The following RAVER1 variants were observed in gnomAD, a reference collection of about 807,000 sequenced individuals.
The protein encoded by RAVER1 is ribonucleoprotein, PTB binding 1.
In RAVER1, 36 loss-of-function variants were observed where a neutral mutation model predicts 68.4. That is an observed-to-expected ratio of 0.53 (90% CI 0.40 to 0.70). The LOEUF (loss-of-function observed/expected upper bound fraction) is 0.70. RAVER1 is among the 30% of genes least tolerant of loss of function. RAVER1 has a pLI of 0.00. For synonymous variants in RAVER1, 469 were observed against 472.7 expected (o/e 0.99, Z 0.10); for missense variants, 933 against 1,019.8 (o/e 0.91, Z 1.16).
intron 3 of RAVER1, among the ~76,000 whole-genome samples, chr19:10,326,762 T>TG (rs1358239557): frequency 8.1e-5 from 12 of 147,850 alleles, no homozygotes; most frequent in African/African-American, 7.5e-5. Flanking sequence ...CCTGTTTTTT[T>TG]TTTTTTTTTT....
Position 10,323,085 on chromosome 19 carries a change from C to G in RAVER1, c.1078+60G>C. On this transcript the variant is annotated intron_variant, in intron 5 of 12. Coordinates refer to ENST00000617231, the MANE Select transcript of RAVER1 (RefSeq NM_133452.3). The surrounding 1 kb of genome is among the most constrained non-coding windows in gnomAD (Gnocchi z 6.2). The stretch of plus-strand genomic sequence containing the variant: ...CAAGATGAGCAGTTTCGGGAAGTGC[C>G]GGGGGCAGCGCTGCAGCCCCTGTTC... 1.4e-6 allele frequency: 2 copies of G among 1,401,334 alleles called. No individual in the cohort carries two copies. Among genetic ancestry groups the G allele is most frequent in the Non-Finnish European group, 1.9e-6 (2 of 1,044,698 alleles). The allele number at this position is 1,401,334 out of a possible 1,614,324, so 86.8% of individuals were successfully genotyped here.
At position 10,329,475 on chromosome 19, in the gene RAVER1, G is replaced by A. The variant is rs993986684; in HGVS notation, c.287-364C>T. ...CCCCAAGCCCCAGGTGGCTTTGGGG[G>A]TATCAGTTTCCTCATCTCTCAAATG... On this transcript the variant is annotated intron_variant, in intron 2 of 12. Transcript: ENST00000617231. The surrounding 1 kb of genome is among the most constrained non-coding windows in gnomAD (Gnocchi z 4.6). Among the ~76,000 whole-genome samples the A allele has an allele frequency of 2.0e-5, 3 of 152,200 alleles. No individual in the cohort carries two copies. The highest frequency in any genetic ancestry group is 4.4e-5 in the Non-Finnish European group (3 of 68,040).
intron 7 of RAVER1, 107 bp downstream of exon 7, chr19:10,321,424 G>T: frequency 9.9e-7 from 1 of 1,005,158 alleles, no homozygotes; most frequent in South Asian, 4.2e-5. Flanking sequence ...CCCAACTGAT[G>T]GACAAGGGCG....
In RAVER1 at chr19:10,323,329, T is replaced by C; in HGVS notation, c.948+46A>G. 6.2e-7 allele frequency: 1 copy of C among 1,610,406 alleles called. No individual in the cohort carries two copies. The highest frequency in any genetic ancestry group is 8.5e-7 in the Non-Finnish European group (1 of 1,178,418). On this transcript the variant is annotated intron_variant, in intron 4 of 12. Transcript: ENST00000617231. This position sits in a 1 kb window ranked among gnomAD's most constrained non-coding sequence, Gnocchi z 6.2. ...TGCCGCTGGGGCCCTGACATCCCCA[T>C]GGGGCTCCCATCCCCACCCCGCCAC...
rs763827178 is a variant in RAVER1 at position 10,317,589 on chromosome 19, G to A, written c.2085C>T (p.Gly695=). 5.6e-6 allele frequency: 9 copies of A among 1,607,868 alleles called. 1 individual carries two copies. Among genetic ancestry groups the A allele is most frequent in the South Asian group, 2.2e-5 (2 of 90,610 alleles). The stretch of plus-strand genomic sequence containing the variant: ...GGTGGGCAAAGCTGCGTTTCTGGCC[G>A]CCCAGTGGGGTCTGGAGACAGAGGG... The part of the protein sequence containing the change: ...GHSHLLKTPL[G]GQKRSFAHLL... Residue 695 remains glycine, a synonymous_variant, in exon 13 of 13, where the codon GGC becomes GGT. Transcript: ENST00000617231. The surrounding 1 kb of genome is among the most constrained non-coding windows in gnomAD (Gnocchi z 4.3).
chr19:10,333,227 T>TC lies in RAVER1; in HGVS notation c.219+61dup. The stretch of plus-strand genomic sequence containing the variant: ...CACCTCAGCGTTGGTGTCGCCCGGT[T>TC]CCCCCCGCGCACGCGCACCGTGGTA... On this transcript the variant is annotated intron_variant, in intron 1 of 12. Coordinates refer to ENST00000617231, the MANE Select transcript of RAVER1 (RefSeq NM_133452.3). The surrounding 1 kb of genome is among the most constrained non-coding windows in gnomAD (Gnocchi z 4.2). 1.3e-6 allele frequency: 2 copies of TC among 1,493,948 alleles called. No individual in the cohort carries two copies. 92.5% of individuals were successfully genotyped at this position (1,493,948 alleles called of 1,614,324 possible).
chr19:10,322,057 TGC>T lies in RAVER1; in HGVS notation c.1174-441_1174-440del. On this transcript the variant is annotated intron_variant, in intron 6 of 12. Transcript: ENST00000617231. This position sits in a 1 kb window ranked among gnomAD's most constrained non-coding sequence, Gnocchi z 4.3. Reference sequence around the variant, plus strand: ...GTGTGTGTGTGTCTGTGTGTGTGTGTGCGTGTATATCTGTGTCTTTGTTTCTG... The same window carrying T: ...GTGTGTGTGTGTCTGTGTGTGTGTGTGTGTATATCTGTGTCTTTGTTTCTG... 6.2e-6 allele frequency: 1 copy of T among 161,544 alleles called. No individual in the cohort carries two copies. The allele number at this position is 161,544 out of a possible 1,614,324, so 10.0% of individuals were successfully genotyped here. A position where few individuals can be genotyped will look rare whatever the true frequency, so the allele number is the denominator to read the frequency against.
rs758896655 is a variant in RAVER1, at chr19:10,328,027, G to A, written c.756+615C>T. Among the ~76,000 whole-genome samples the A allele has an allele frequency of 3.9e-5, 6 of 152,190 alleles. No homozygotes were observed. The highest frequency in any genetic ancestry group is 7.3e-5 in the Non-Finnish European group (5 of 68,032). ...AGATCAGAGAGCCAGTGACTGGCCC[G>A]AGCTCGAGGGCGGGGCTGGGATCTG... On this transcript the variant is annotated intron_variant, in intron 3 of 12. Coordinates refer to ENST00000617231, the MANE Select transcript of RAVER1 (RefSeq NM_133452.3). The surrounding 1 kb of genome is among the most constrained non-coding windows in gnomAD (Gnocchi z 4.4).
chr19:10,322,572 C>G lies in RAVER1; in HGVS notation c.1173+73G>C. Reference sequence around the variant, plus strand: ...ACAGCCAGAGGTCCCCCCACCCCACCGATCGCACCAGCTGTGTTGAAAAGA... The same window carrying G: ...ACAGCCAGAGGTCCCCCCACCCCACGGATCGCACCAGCTGTGTTGAAAAGA... On this transcript the variant is annotated intron_variant, in intron 6 of 12. Coordinates refer to ENST00000617231, the MANE Select transcript of RAVER1 (RefSeq NM_133452.3). This position sits in a 1 kb window ranked among gnomAD's most constrained non-coding sequence, Gnocchi z 4.3. 1 of 1,124,262 alleles carries G rather than the reference C, an allele frequency of 8.9e-7. No individual in the cohort carries two copies. The highest frequency in any genetic ancestry group is 1.2e-6 in the Non-Finnish European group (1 of 806,408). The allele number at this position is 1,124,262 out of a possible 1,614,324, so 69.6% of individuals were successfully genotyped here. A position where few individuals can be genotyped will look rare whatever the true frequency, so the allele number is the denominator to read the frequency against.
chr19:10,322,522 C>T lies in RAVER1; in HGVS notation c.1173+123G>A. ...GGCAGGGGTTTGGGGGAGTCGCCCT[C>T]ACCCTGGTTCTGCGCCCCCAGGGCA... On this transcript the variant is annotated intron_variant, in intron 6 of 12. Transcript: ENST00000617231. This position sits in a 1 kb window ranked among gnomAD's most constrained non-coding sequence, Gnocchi z 4.3. 2 of 668,932 alleles carry T rather than the reference C, an allele frequency of 3.0e-6. No homozygotes were observed. The highest frequency in any genetic ancestry group is 5.0e-6 in the Non-Finnish European group (2 of 402,838). 41.4% of individuals were successfully genotyped at this position (668,932 alleles called of 1,614,324 possible). A position where few individuals can be genotyped will look rare whatever the true frequency, so the allele number is the denominator to read the frequency against.
chr19:10,323,438 G>A lies in RAVER1; in HGVS notation c.885C>T (p.Ser295=), dbSNP rs1210934642. 6.2e-7 allele frequency: 1 copy of A among 1,609,316 alleles called. No homozygotes were observed. Among genetic ancestry groups the A allele is most frequent in the Non-Finnish European group, 8.5e-7 (1 of 1,179,028 alleles). Residue 295 remains serine (S), a synonymous_variant, in exon 4 of 13, where the codon TCC becomes TCT. Transcript: ENST00000617231. The surrounding 1 kb of genome is among the most constrained non-coding windows in gnomAD (Gnocchi z 6.2). ...LSLGGSHLRV[S]FCAPGPPGRS... ...GGCCGGGGGGCCCAGGGGCGCAGAAGGAGACTCGCAGGTGGCTGCCCCCCA... is the reference window on the plus strand; with the variant it reads ...GGCCGGGGGGCCCAGGGGCGCAGAAAGAGACTCGCAGGTGGCTGCCCCCCA...
chr19:10,326,841 A>ACTGCAACCTCCACCTCC (rs1342894780), intron 3 of RAVER1, among the ~76,000 whole-genome samples: 2 of 142,256 alleles, frequency 1.4e-5, no homozygotes, highest in African/African-American at 5.3e-5. Context: ...ATCTCAGCTC[A>ACTGCAACCTCCACCTCC]CTGCAACCTC....
chr19:10,318,198 G>A (rs771165865), intron 11 of RAVER1, 31 bp downstream of exon 11: 2 of 1,574,250 alleles, frequency 1.3e-6, no homozygotes, highest in Non-Finnish European at 1.7e-6. Context: ...CTGTCCCAGG[G>A]GGCCTGTGCT....
At chr19:10,326,431 G>A (rs934285825) in intron 3 of RAVER1, among the ~76,000 whole-genome samples, 1 of 152,148 alleles carries the variant, frequency 6.6e-6, no homozygotes, top group African/African-American at 2.4e-5. Context: ...CGTGGCTCAT[G>A]GATACTCAGT....
In RAVER1 at chr19:10,320,961, G is replaced by C. The variant is rs200110639; in HGVS notation, c.1474-10C>G. 114 of 1,491,566 alleles carry C rather than the reference G, an allele frequency of 7.6e-5. No individual in the cohort carries two copies. The African/African-American group carries it at 1.4e-3, about 19-fold the overall frequency. 92.4% of individuals were successfully genotyped at this position (1,491,566 alleles called of 1,614,324 possible). On this transcript the variant is annotated splice_polypyrimidine_tract_variant and intron_variant, in intron 8 of 12. Transcript: ENST00000617231. ...CCCCCAGCAGTGAGACCTGTGGCGGGAAGGCAGGATTCGAGAGGGCCCCCG... is the reference window on the plus strand; with the variant it reads ...CCCCCAGCAGTGAGACCTGTGGCGGCAAGGCAGGATTCGAGAGGGCCCCCG...
At chr19:10,324,836 G>C (rs751060440) in intron 3 of RAVER1, among the ~76,000 whole-genome samples, 5 of 152,170 alleles carry the variant, frequency 3.3e-5, no homozygotes. Flanking sequence ...TAACATTAAA[G>C]GTGGGCTCCT....
intron 11 of RAVER1, 114 bp downstream of exon 11, chr19:10,318,115 C>T: frequency 1.1e-6 from 1 of 924,142 alleles, no homozygotes; most frequent in Non-Finnish European, 1.6e-6. Context: ...AGACCAACCC[C>T]TGCCACCACC....
At chr19:10,318,922 G>A (rs532833503) in intron 10 of RAVER1, among the ~76,000 whole-genome samples, 1 of 152,318 alleles carries the variant, frequency 6.6e-6, no homozygotes, top group African/African-American at 2.4e-5. Context: ...GCTCATGCCT[G>A]TGATCCTAGC....
rs1208874112 is a variant in RAVER1 at position 10,316,796 on chromosome 19, C to A, written c.*658G>T. ...CTGGCCAGCAGGGCCTGGGGCCCAGCTTTTAAGGCATCAGAAGGGGAGGGG... is the reference window on the plus strand; with the variant it reads ...CTGGCCAGCAGGGCCTGGGGCCCAGATTTTAAGGCATCAGAAGGGGAGGGG... On this transcript the variant is annotated 3_prime_UTR_variant, in exon 13 of 13. Transcript: ENST00000617231. 6.4e-6 allele frequency: 1 copy of A among 155,662 alleles called. No individual in the cohort carries two copies. The highest frequency in any genetic ancestry group is 2.4e-5 in the African/African-American group (1 of 41,454). The allele number at this position is 155,662 out of a possible 1,614,324, so 9.6% of individuals were successfully genotyped here. A position where few individuals can be genotyped will look rare whatever the true frequency, so the allele number is the denominator to read the frequency against.
Sources: gnomAD v4.1 joint callset for allele counts (sites outside exome capture counted in the v4.1 genomes callset) on GRCh38, gnomAD v4.1.1 for gene constraint, Gnocchi (gnomAD v3.1) non-coding constraint, MANE v1.5 for transcripts, NCBI Gene and HGNC (gene_info 2026-07-23, HGNC 2026-07-21) for gene names.